AJAP1: variants seen among roughly 807,000 people sequenced by gnomAD.
AJAP1 encodes adherens junction-associated protein 1.
In AJAP1, 5 loss-of-function variants were observed where a neutral mutation model predicts 35.0. The observed-to-expected ratio is 0.14, with a 90% confidence interval of 0.07 to 0.30. AJAP1 has a LOEUF of 0.30. Among genes scored for constraint, AJAP1 ranks in the 10% least tolerant of loss-of-function variants. AJAP1 has a pLI of 1.00. For missense variants in AJAP1, 586 were observed against 571.0 expected (o/e 1.03, Z -0.27); for synonymous variants, 284 against 249.3 (o/e 1.14, Z -1.31).
chr1:4,772,686 A>C (rs538283554), intron 4 of AJAP1, among the ~76,000 whole-genome samples, 161 bp downstream of exon 4: 1 of 152,182 alleles, frequency 6.6e-6, no homozygotes, highest in African/African-American at 2.4e-5. Context: ...TGGCAAAACG[A>C]AAGAGGCAGG....
chr1:4,706,019 T>G (rs571820660), intron 1 of AJAP1, among the ~76,000 whole-genome samples: 10 of 152,300 alleles, frequency 6.6e-5, no homozygotes, highest in Admixed American at 6.5e-4. Context: ...TGGAATTTTT[T>G]GGAATGTCTT....
At chr1:4,780,505 C>T (rs1463262640) in intron 5 of AJAP1, among the ~76,000 whole-genome samples, 5 of 151,926 alleles carry the variant, frequency 3.3e-5, no homozygotes, top group Admixed American at 6.6e-5. Flanking sequence ...TCCCCAAATC[C>T]GGGGAATGTG....
chr1:4,736,158 G>A (rs550264041), intron 2 of AJAP1, among the ~76,000 whole-genome samples: 2 of 152,252 alleles, frequency 1.3e-5, no homozygotes, highest in Non-Finnish European at 2.9e-5. Flanking sequence ...AGGCTGCAGA[G>A]GTGTCCCTGA....
chr1:4,681,899 C>T (rs1476857575), intron 1 of AJAP1, among the ~76,000 whole-genome samples: 3 of 152,228 alleles, frequency 2.0e-5, no homozygotes, highest in African/African-American at 7.2e-5. Context: ...TCTGGGAAAG[C>T]TTCTCTGGAG....
At chr1:4,726,358 G>A (rs192701379) in intron 2 of AJAP1, among the ~76,000 whole-genome samples, 1 of 152,280 alleles carries the variant, frequency 6.6e-6, no homozygotes, top group East Asian at 1.9e-4. Flanking sequence ...ACATCGTCCT[G>A]TGTTTAGAGG....
chr1:4,764,339 A>AT (rs549107576), intron 2 of AJAP1, among the ~76,000 whole-genome samples: 45 of 152,166 alleles, frequency 3.0e-4, no homozygotes, highest in African/African-American at 1.1e-3. Context: ...TGGAAGATGC[A>AT]TTTTTTCTTA....
Position 4,787,830 on chromosome 1 carries a change from G to A in AJAP1, c.*5345G>A, listed in dbSNP as rs1186307448. On this transcript the variant is annotated 3_prime_UTR_variant, in exon 6 of 6. Coordinates refer to ENST00000378191, the MANE Select transcript of AJAP1 (RefSeq NM_018836.4). ...ATGCCATTCTTCTTGGTGCCAGAAG[G>A]CAGCTGCATCTCCAGAAGCTCCCCC... 6 of 451,236 alleles carry A rather than the reference G, an allele frequency of 1.3e-5. No individual in the cohort carries two copies. Among genetic ancestry groups the A allele is most frequent in the Non-Finnish European group, 2.2e-5 (5 of 223,626 alleles). The allele number at this position is 451,236 out of a possible 1,614,324, so 28.0% of individuals were successfully genotyped here.
At chr1:4,768,477 G>A (rs1187735092) in intron 2 of AJAP1, among the ~76,000 whole-genome samples, 1 of 152,250 alleles carries the variant, frequency 6.6e-6, no homozygotes, top group Non-Finnish European at 1.5e-5. Context: ...ATCATATCCA[G>A]CAGAGAGGTA....
In AJAP1 at chr1:4,775,604, G is replaced by A. The variant is rs113348575; in HGVS notation, c.*59+1046G>A. The stretch of plus-strand genomic sequence containing the variant: ...GCGGGGAACCAGCTGCAGTCAGAGA[G>A]GGGAGTGAATCGGTCAGTTCCTCAT... On this transcript the variant is annotated intron_variant, in intron 5 of 5. Transcript: ENST00000378191. Among the ~76,000 whole-genome samples the A allele has an allele frequency of 8.6e-3, 1,314 of 152,342 alleles. 25 individuals carry two copies. Among genetic ancestry groups the A allele is most frequent in the African/African-American group, 0.028 (1,169 of 41,568 alleles).
intron 2 of AJAP1, among the ~76,000 whole-genome samples, chr1:4,750,919 C>T (rs1641306480): frequency 6.7e-6 from 1 of 149,650 alleles, no homozygotes; most frequent in Non-Finnish European, 1.5e-5. Flanking sequence ...ACCTCCAATC[C>T]CCTGACCTGG....
chr1:4,687,764 T>C (rs1570112012), intron 1 of AJAP1, among the ~76,000 whole-genome samples: 1 of 151,748 alleles, frequency 6.6e-6, no homozygotes, highest in Non-Finnish European at 1.5e-5. Context: ...CCCAGGGAGG[T>C]GTCAAGGAAG....
intron 2 of AJAP1, among the ~76,000 whole-genome samples, chr1:4,725,613 G>A (rs572407251): frequency 5.8e-4 from 89 of 152,266 alleles, no homozygotes; most frequent in Admixed American, 1.7e-3. Flanking sequence ...CTCGGCCAAC[G>A]GAACCGGGGG....
intron 2 of AJAP1, 84 bp from the exon 3 acceptor site, chr1:4,769,769 G>T: frequency 8.4e-7 from 1 of 1,184,856 alleles, no homozygotes; most frequent in Non-Finnish European, 1.3e-6. Flanking sequence ...TGGGTTGGGG[G>T]GATGCACCTC....
chr1:4,685,365 C>A (rs965064598), intron 1 of AJAP1, among the ~76,000 whole-genome samples: 7 of 152,204 alleles, frequency 4.6e-5, no homozygotes, highest in Non-Finnish European at 8.8e-5. Context: ...CTCTCCACAG[C>A]GCTGAGCACA....
intron 2 of AJAP1, among the ~76,000 whole-genome samples, 167 bp downstream of exon 2, chr1:4,712,866 A>G (rs746502637): frequency 1.3e-5 from 2 of 152,190 alleles, no homozygotes; most frequent in Non-Finnish European, 2.9e-5. Flanking sequence ...TGGCAAATAC[A>G]GGCTGTGCCT....
At chr1:4,663,747 G>A (rs984185042) in intron 1 of AJAP1, among the ~76,000 whole-genome samples, 3 of 151,902 alleles carry the variant, frequency 2.0e-5, no homozygotes, top group Non-Finnish European at 2.9e-5. Context: ...TGCAACCGGT[G>A]TGGACTCTTC....
intron 2 of AJAP1, among the ~76,000 whole-genome samples, chr1:4,730,225 G>A (rs538018906): frequency 6.6e-6 from 1 of 152,326 alleles, no homozygotes; most frequent in Admixed American, 6.5e-5. Flanking sequence ...TATTAGAGGA[G>A]GAGACAGGGA....
In AJAP1 at chr1:4,723,542, G is replaced by T. The variant is rs1640574116; in HGVS notation, c.829+10843G>T. 6.6e-6 allele frequency among the ~76,000 whole-genome samples: 1 copy of T among 152,128 alleles called. No individual in the cohort carries two copies. The highest frequency in any genetic ancestry group is 2.4e-5 in the African/African-American group (1 of 41,434). On this transcript the variant is annotated intron_variant, in intron 2 of 5. Transcript: ENST00000378191. This position sits in a 1 kb window ranked among gnomAD's most constrained non-coding sequence, Gnocchi z 4.3. ...GAAAGCTGTTCCCAGAGCATGGAGG[G>T]GTCCTCGTGGCGGAGCTCCCAGAGA...
Position 4,711,923 on chromosome 1 carries a change from G to A in AJAP1, c.53G>A (p.Gly18Asp), listed in dbSNP as rs538795214. 2.9e-5 allele frequency: 44 copies of A among 1,518,982 alleles called. No homozygotes were observed. Among genetic ancestry groups the A allele is most frequent in the African/African-American group, 2.9e-4 (20 of 69,194 alleles). The allele number at this position is 1,518,982 out of a possible 1,614,324, so 94.1% of individuals were successfully genotyped here. ...AGCTCCATGTCCATCCGCTGGCCGGGCCGCCCCCTCGGAAGCCATGCCTGG... is the reference window on the plus strand; with the variant it reads ...AGCTCCATGTCCATCCGCTGGCCGGACCGCCCCCTCGGAAGCCATGCCTGG... ...GLSSMSIRWP[G>D]RPLGSHAWIL... The change falls in exon 2 of 6, where the codon GGC becomes GAC. Residue 18 changes from glycine (G) to aspartate (D), a missense_variant. Transcript: ENST00000378191.
Sources: gnomAD v4.1 joint callset for allele counts (sites outside exome capture counted in the v4.1 genomes callset) on GRCh38, gnomAD v4.1.1 for gene constraint, Gnocchi (gnomAD v3.1) non-coding constraint, MANE v1.5 for transcripts, NCBI Gene and HGNC (gene_info 2026-07-23, HGNC 2026-07-21) for gene names.